MTUS1: variants seen among roughly 807,000 people sequenced by gnomAD.
The protein encoded by MTUS1 is microtubule associated scaffold protein 1, also known as microtubule-associated tumor suppressor 1.
MTUS1 carries 109 observed loss-of-function variants against 120.8 expected under a neutral mutation model. The observed-to-expected ratio is 0.90, with a 90% CI of 0.77 to 1.06. The LOEUF is 1.06. Ranked by LOEUF, MTUS1 falls within the 50% of genes least tolerant of loss-of-function variation. The pLI is 0.00. For missense variants in MTUS1, 2,210 were observed against 1,486.3 expected, an observed-to-expected ratio of 1.49 and a Z score of -8.01; for synonymous variants, 737 against 550.5, an observed-to-expected ratio of 1.34 and a Z score of -4.74.
At chr8:17,708,862 G>T (rs1367079377) in intron 6 of MTUS1, 1 of 152,224 alleles carries the variant, frequency 6.6e-6, no homozygotes, top group Non-Finnish European at 1.5e-5. Flanking sequence ...AGATAGCTGG[G>T]CGCAGTGACT....
chr8:17,650,593 C>T (rs1563560705), intron 12 of MTUS1, among the ~76,000 whole-genome samples: 1 of 152,088 alleles, frequency 6.6e-6, no homozygotes, highest in Non-Finnish European at 1.5e-5. Flanking sequence ...GCCTACAGTC[C>T]CAGCTACTCA....
chr8:17,782,559 A>C (rs929647579), intron 1 of MTUS1, among the ~76,000 whole-genome samples: 1 of 152,240 alleles, frequency 6.6e-6, no homozygotes, highest in African/African-American at 2.4e-5. Flanking sequence ...ATGTTTTAAC[A>C]GTGAAGTTTT....
At chr8:17,646,215 A>C in intron 14 of MTUS1, 76 bp from the exon 15 acceptor site, 1 of 1,422,178 alleles carries the variant, frequency 7.0e-7, no homozygotes, top group Non-Finnish European at 9.3e-7. Flanking sequence ...TTAGCGTTTG[A>C]AACTTTAAAG....
chr8:17,695,100 C>T (rs1415704182), intron 6 of MTUS1, among the ~76,000 whole-genome samples: 2 of 152,198 alleles, frequency 1.3e-5, no homozygotes, highest in African/African-American at 4.8e-5. Flanking sequence ...AGATAAGAGT[C>T]ACCATGACGG....
rs1198485714 is a variant in MTUS1 at position 17,723,852 on chromosome 8, CAA to C, written c.2288-21_2288-20del. 2 of 1,530,578 alleles carry C rather than the reference CAA, an allele frequency of 1.3e-6. No homozygotes were observed. The highest frequency in any genetic ancestry group is 1.8e-6 in the Non-Finnish European group (2 of 1,140,182). 94.8% of individuals were successfully genotyped at this position (1,530,578 alleles called of 1,614,324 possible). On this transcript the variant is annotated intron_variant, in intron 3 of 14. Coordinates refer to ENST00000693296, the MANE Select transcript of MTUS1 (RefSeq NM_001363059.2). ...GGCTTTCCTTGGGGTTTAAAAAAAA[CAA>C]AAAGTTTCCAGTGCTATTCATCCCG...
At chr8:17,767,697 T>A in intron 1 of MTUS1, among the ~76,000 whole-genome samples, 1 of 78,374 alleles carries the variant, frequency 1.3e-5, no homozygotes. Flanking sequence ...AGACCCTGTC[T>A]CTTAAAAAAA....
At chr8:17,800,051 AAACT>A (rs2052556081) in intron 1 of MTUS1, among the ~76,000 whole-genome samples, 1 of 152,208 alleles carries the variant, frequency 6.6e-6, no homozygotes, top group South Asian at 2.1e-4. Context: ...CTGAAAAAGC[AAACT>A]GTCTACAGAA....
At chr8:17,746,172 C>T (rs1268250272) in intron 2 of MTUS1, among the ~76,000 whole-genome samples, 1 of 152,142 alleles carries the variant, frequency 6.6e-6, no homozygotes, top group East Asian at 1.9e-4. Flanking sequence ...GAAGACCTAG[C>T]CTTGGCCCTG....
intron 13 of MTUS1, 110 bp from the exon 14 acceptor site, chr8:17,647,189 T>C: frequency 1.3e-6 from 1 of 759,560 alleles, no homozygotes. Flanking sequence ...TTAAGGAAAA[T>C]GCAATTCCAT....
At chr8:17,679,229 A>G (rs934826196) in intron 7 of MTUS1, among the ~76,000 whole-genome samples, 3 of 151,972 alleles carry the variant, frequency 2.0e-5, no homozygotes, top group Admixed American at 6.6e-5. Context: ...CCTATATATT[A>G]TACATATATA....
At chr8:17,727,430 G>A (rs893637705) in intron 3 of MTUS1, among the ~76,000 whole-genome samples, 1 of 152,188 alleles carries the variant, frequency 6.6e-6, no homozygotes. Context: ...GAGGCTTGGA[G>A]GCAGACAGAG....
At position 17,680,621 on chromosome 8, in the gene MTUS1, T is replaced by C. The variant is rs142408390; in HGVS notation, c.2838+3707A>G. On this transcript the variant is annotated intron_variant, in intron 7 of 14. Transcript: ENST00000693296. ...GAAATTCACTAGGAGCTTGCCATGT[T>C]TGTGGACAATGCATCTCTCTGTAGA... 1.9e-3 allele frequency among the ~76,000 whole-genome samples: 288 copies of C among 152,310 alleles called. 2 individuals are homozygous for C. The highest frequency in any genetic ancestry group is 3.5e-3 in the South Asian group (17 of 4,828).
At chr8:17,772,877 A>G (rs2050121233) in intron 1 of MTUS1, among the ~76,000 whole-genome samples, 1 of 152,242 alleles carries the variant, frequency 6.6e-6, no homozygotes, top group Non-Finnish European at 1.5e-5. Flanking sequence ...GTGCCCTTGA[A>G]AAGTACTGGC....
intron 1 of MTUS1, among the ~76,000 whole-genome samples, chr8:17,771,447 T>C (rs1335123617): frequency 3.3e-5 from 5 of 152,252 alleles, no homozygotes; most frequent in African/African-American, 1.2e-4. Context: ...CAACGTTTCT[T>C]TCACAGACAT....
chr8:17,731,093 C>T (rs1461864890), intron 3 of MTUS1, among the ~76,000 whole-genome samples: 1 of 151,992 alleles, frequency 6.6e-6, no homozygotes, highest in Admixed American at 6.6e-5. Flanking sequence ...CAGATTAATA[C>T]GGTGGTATAT....
intron 6 of MTUS1, among the ~76,000 whole-genome samples, chr8:17,699,861 A>C (rs1818693591): frequency 6.6e-6 from 1 of 152,200 alleles, no homozygotes; most frequent in Non-Finnish European, 1.5e-5. Flanking sequence ...TTGCTCATTT[A>C]AATAACTGGA....
intron 1 of MTUS1, among the ~76,000 whole-genome samples, chr8:17,792,607 T>C (rs981951140): frequency 6.6e-6 from 1 of 152,252 alleles, no homozygotes; most frequent in African/African-American, 2.4e-5. Flanking sequence ...CTTACGCCTG[T>C]AATCCCAGCA....
At chr8:17,647,396 C>T (rs978353991) in intron 13 of MTUS1, 4 of 226,476 alleles carry the variant, frequency 1.8e-5, no homozygotes, top group South Asian at 8.9e-5. Flanking sequence ...TGAAATAAAC[C>T]CTGCAGACAC....
intron 1 of MTUS1, among the ~76,000 whole-genome samples, chr8:17,799,107 T>C (rs2052482126): frequency 6.6e-6 from 1 of 152,056 alleles, no homozygotes; most frequent in South Asian, 2.1e-4. Context: ...GGGAACATAA[T>C]TTGGTTAAAC....
Sources: allele counts gnomAD v4.1 joint callset (sites outside exome capture counted in the v4.1 genomes callset), GRCh38; gene constraint gnomAD v4.1.1; transcripts MANE v1.5; gene names NCBI Gene and HGNC (gene_info 2026-07-23, HGNC 2026-07-21).